TTC24: variants seen among roughly 807,000 people sequenced by gnomAD.
TTC24 encodes the protein tetratricopeptide repeat protein 24.
In TTC24, 54 loss-of-function variants were observed where a neutral mutation model predicts 63.3. The observed-to-expected ratio is 0.85, with a 90% CI of 0.69 to 1.07. The LOEUF is 1.07. Among genes scored for constraint, TTC24 ranks in the 50% least tolerant of loss-of-function variants. The pLI is 0.00. For synonymous variants in TTC24, 276 were observed against 304.3 expected, an observed-to-expected ratio of 0.91 and a Z score of 0.97; for missense variants, 680 against 730.5, an observed-to-expected ratio of 0.93 and a Z score of 0.80.
chr1:156,583,204 A>G lies in TTC24; in HGVS notation c.1039+34A>G. ...GAGAGGGTTGGGATGTGACTGGGAC[A>G]GTGGGGAGGCTGAGGGTCCTAGGGG... On this transcript the variant is annotated intron_variant, in intron 4 of 10. Coordinates refer to ENST00000368236, the MANE Select transcript of TTC24 (RefSeq NM_001105669.4). The surrounding 1 kb of genome is among the most constrained non-coding windows in gnomAD (Gnocchi z 4.0). 6.4e-7 allele frequency: 1 copy of G among 1,553,450 alleles called. No individual in the cohort carries two copies. Among genetic ancestry groups the G allele is most frequent in the Non-Finnish European group, 8.7e-7 (1 of 1,146,650 alleles).
chr1:156,583,292 G>A lies in TTC24; in HGVS notation c.1040-46G>A, dbSNP rs764936030. On this transcript the variant is annotated intron_variant, in intron 4 of 10. Transcript: ENST00000368236. The surrounding 1 kb of genome is among the most constrained non-coding windows in gnomAD (Gnocchi z 4.0). ...AGTGCCTCTGAGGGGGTGGATCAGT[G>A]GGGTAGGAAGTCATGAAAGGACCTT... 1.2e-6 allele frequency: 2 copies of A among 1,603,418 alleles called. No individual in the cohort carries two copies. The highest frequency in any genetic ancestry group is 1.3e-5 in the African/African-American group (1 of 74,132).
At chr1:156,582,523 C>G (rs543591977) in intron 3 of TTC24, 89 bp downstream of exon 3, 1 of 1,195,756 alleles carries the variant, frequency 8.4e-7, no homozygotes, top group East Asian at 2.4e-5. Context: ...GTGGATGGCC[C>G]TTTGGGACCA....
intron 10 of TTC24, 108 bp downstream of exon 10, chr1:156,586,153 C>A: frequency 1.1e-6 from 1 of 880,560 alleles, no homozygotes; most frequent in Non-Finnish European, 1.8e-6. Flanking sequence ...TTGGGGGAAG[C>A]TGGGATCTCA....
At position 156,583,027 on chromosome 1, in the gene TTC24, GGGCTCTGTCCTCA is replaced by G. The variant is rs375017688; in HGVS notation, c.911-6_917del. 14 of 1,602,384 alleles carry G rather than the reference GGGCTCTGTCCTCA, an allele frequency of 8.7e-6. No homozygotes were observed. The South Asian group carries it at 1.6e-4, about 18-fold the overall frequency. ...CCAGAGTCCCCTCTGAGGATGGGGTGGGCTCTGTCCTCAGGCTCTGTGGGGCAGCGGTGGGAGC... is the reference window on the plus strand; with the variant it reads ...CCAGAGTCCCCTCTGAGGATGGGGTGGGCTCTGTGGGGCAGCGGTGGGAGC... On this transcript the variant is annotated splice_acceptor_variant and splice_polypyrimidine_tract_variant and intron_variant, in intron 3 of 10. Transcript: ENST00000368236. LOFTEE classifies it high-confidence loss of function. This position sits in a 1 kb window ranked among gnomAD's most constrained non-coding sequence, Gnocchi z 4.0.
chr1:156,585,540 T>C lies in TTC24; in HGVS notation c.1457-173T>C, dbSNP rs1047904578. 16 of 623,908 alleles carry C rather than the reference T, an allele frequency of 2.6e-5. 1 individual carries two copies. In the Middle Eastern group the frequency reaches 2.0e-3, roughly 78 times the overall value. The allele number at this position is 623,908 out of a possible 1,614,324, so 38.6% of individuals were successfully genotyped here. A position where few individuals can be genotyped will look rare whatever the true frequency, so the allele number is the denominator to read the frequency against. ...TCCTAACTTCTAGAACTTTGCATCT[T>C]GGACCCCAGGGTTTTGCTGAAAGCC... On this transcript the variant is annotated intron_variant, in intron 8 of 10. Coordinates refer to ENST00000368236, the MANE Select transcript of TTC24 (RefSeq NM_001105669.4).
In TTC24 at chr1:156,583,720, TTTCC is replaced by T; in HGVS notation, c.1153-73_1153-70del. Reference sequence around the variant, plus strand: ...GCCCCCCTCCCCCCTCCCTTTCCTGTTTCCTTCTTCCCCAACCCCCAGAGGACCA... The same window carrying T: ...GCCCCCCTCCCCCCTCCCTTTCCTGTTTCTTCCCCAACCCCCAGAGGACCA... On this transcript the variant is annotated intron_variant, in intron 5 of 10. Coordinates refer to ENST00000368236, the MANE Select transcript of TTC24 (RefSeq NM_001105669.4). This position sits in a 1 kb window ranked among gnomAD's most constrained non-coding sequence, Gnocchi z 4.0. 1 of 516,816 alleles carries T rather than the reference TTTCC, an allele frequency of 1.9e-6. No individual in the cohort carries two copies. Among genetic ancestry groups the T allele is most frequent in the Non-Finnish European group, 3.7e-6 (1 of 272,532 alleles). The allele number at this position is 516,816 out of a possible 1,614,324, so 32.0% of individuals were successfully genotyped here.
chr1:156,581,543 A>G lies in TTC24; in HGVS notation c.179A>G (p.Gln60Arg). The G allele has an allele frequency of 6.4e-7, 1 of 1,551,322 alleles. No individual in the cohort carries two copies. The highest frequency in any genetic ancestry group is 8.7e-7 in the Non-Finnish European group (1 of 1,146,732). ...AACCATGAAGCCTTGAACAACTTCC[A>G]GAGGGCCTTCCTTCTGGCCTCCAAG... Reference protein sequence around the residue: ...GQNHEALNNFQRAFLLASKAP... With the variant: ...GQNHEALNNFRRAFLLASKAP... The change falls in exon 2 of 11, where the codon CAG (glutamine) becomes CGG (arginine). Residue 60 changes from glutamine (Q) to arginine (R), a missense_variant. Transcript: ENST00000368236.
rs565288472 is a variant in TTC24, at chr1:156,582,283, G to C, written c.759G>C (p.Pro253=). 1 of 1,562,596 alleles carries C rather than the reference G, an allele frequency of 6.4e-7. No individual in the cohort carries two copies. Among genetic ancestry groups the C allele is most frequent in the Admixed American group, 1.9e-5 (1 of 51,822 alleles). The change falls in exon 3 of 11, where the codon CCG becomes CCC. Residue 253 remains proline, a synonymous_variant. Coordinates refer to ENST00000368236, the MANE Select transcript of TTC24 (RefSeq NM_001105669.4). The part of the protein sequence containing the change: ...GLGYSQLQLF[P]LAVEAFLQAL... ...GCTACTCCCAGCTCCAGCTGTTCCCGCTGGCCGTGGAGGCCTTCCTGCAGG... is the reference window on the plus strand; with the variant it reads ...GCTACTCCCAGCTCCAGCTGTTCCCCCTGGCCGTGGAGGCCTTCCTGCAGG...
chr1:156,586,147 G>A (rs1470181442), intron 10 of TTC24, 102 bp downstream of exon 10: 5 of 901,324 alleles, frequency 5.5e-6, no homozygotes, highest in Non-Finnish European at 7.0e-6. Flanking sequence ...TTGAAGTTGG[G>A]GGAAGCTGGG....
intron 8 of TTC24, 35 bp from the exon 9 acceptor site, chr1:156,585,678 G>A (rs773268356): frequency 6.8e-7 from 1 of 1,474,392 alleles, no homozygotes; most frequent in Non-Finnish European, 9.5e-7. Context: ...GCTACTTGTT[G>A]AGCTGACCTG....
rs975432323 is a variant in TTC24, at chr1:156,584,863, C to T, written c.1252-14C>T. On this transcript the variant is annotated splice_polypyrimidine_tract_variant and intron_variant, in intron 6 of 10. Coordinates refer to ENST00000368236, the MANE Select transcript of TTC24 (RefSeq NM_001105669.4). Reference sequence around the variant, plus strand: ...TTTCTCAGACCTATTCCCTTTACTCCACTTCATTCCCAGACTTCGGCTCCG... The same window carrying T: ...TTTCTCAGACCTATTCCCTTTACTCTACTTCATTCCCAGACTTCGGCTCCG... 6.5e-7 allele frequency: 1 copy of T among 1,539,136 alleles called. No individual in the cohort carries two copies. Among genetic ancestry groups the T allele is most frequent in the Non-Finnish European group, 8.8e-7 (1 of 1,142,762 alleles).
intron 6 of TTC24, 68 bp from the exon 7 acceptor site, chr1:156,584,809 G>C (rs1459918375): frequency 9.5e-7 from 1 of 1,052,768 alleles, no homozygotes; most frequent in Admixed American, 2.9e-5. Flanking sequence ...GTCTCTGGAG[G>C]GAGCACACAC....
chr1:156,583,807 A>C lies in TTC24; in HGVS notation c.1163A>C (p.Asp388Ala). ...CCACCCTCTTCCCAGAAGGAGCCAGATTCTGTGCGAGAACGGCTGGTGGCC... is the reference window on the plus strand; with the variant it reads ...CCACCCTCTTCCCAGAAGGAGCCAGCTTCTGTGCGAGAACGGCTGGTGGCC... ...EALAQCQKEPDSVRERLVAKL... is the reference protein window; with the variant it reads ...EALAQCQKEPASVRERLVAKL... The change falls in exon 6 of 11, where the codon GAT becomes GCT. Residue 388 changes from aspartate (D) to alanine (A), a missense_variant. Transcript: ENST00000368236. This position sits in a 1 kb window ranked among gnomAD's most constrained non-coding sequence, Gnocchi z 4.0. 1 of 1,587,118 alleles carries C rather than the reference A, an allele frequency of 6.3e-7. No homozygotes were observed. The highest frequency in any genetic ancestry group is 8.6e-7 in the Non-Finnish European group (1 of 1,167,078).
At position 156,583,271 on chromosome 1, in the gene TTC24, C is replaced by T; in HGVS notation, c.1040-67C>T. On this transcript the variant is annotated intron_variant, in intron 4 of 10. Coordinates refer to ENST00000368236, the MANE Select transcript of TTC24 (RefSeq NM_001105669.4). The surrounding 1 kb of genome is among the most constrained non-coding windows in gnomAD (Gnocchi z 4.0). The stretch of plus-strand genomic sequence containing the variant: ...TGGGGGGAACTGAGGGTAGGGAGTG[C>T]CTCTGAGGGGGTGGATCAGTGGGGT... The T allele has an allele frequency of 6.2e-7, 1 of 1,607,044 alleles. No individual in the cohort carries two copies. The highest frequency in any genetic ancestry group is 8.5e-7 in the Non-Finnish European group (1 of 1,176,642).
rs1557959292 is a variant in TTC24, at chr1:156,586,026, A to C, written c.1648A>C (p.Asn550His). 1.9e-6 allele frequency: 3 copies of C among 1,574,908 alleles called. No homozygotes were observed. The highest frequency in any genetic ancestry group is 2.6e-6 in the Non-Finnish European group (3 of 1,159,964). Residue 550 changes from asparagine to histidine, a missense_variant, in exon 10 of 11, where the codon AAT becomes CAT. By Grantham distance (68) the Asn-to-His change is moderately conservative. Coordinates refer to ENST00000368236, the MANE Select transcript of TTC24 (RefSeq NM_001105669.4). Reference sequence around the variant, plus strand: ...GGAGTACCCTAGCATCTTGGTACCCAATGGCCCTCAAGCCAATAGGTGGGT... The same window carrying C: ...GGAGTACCCTAGCATCTTGGTACCCCATGGCCCTCAAGCCAATAGGTGGGT... ...RAEYPSILVP[N>H]GPQANRSSRW...
At chr1:156,580,305 T>G (rs764880612) in intron 1 of TTC24, among the ~76,000 whole-genome samples, 20 of 152,156 alleles carry the variant, frequency 1.3e-4, no homozygotes, top group Non-Finnish European at 2.8e-4. Context: ...CAGTGCCTAG[T>G]GTGGTTCCTA....
chr1:156,583,596 T>A lies in TTC24; in HGVS notation c.1152+146T>A. Reference sequence around the variant, plus strand: ...CACTGTGTGCTAGGTCTTGGGATACTATTGTGAGGAAGAGTTCATCGCTGT... The same window carrying A: ...CACTGTGTGCTAGGTCTTGGGATACAATTGTGAGGAAGAGTTCATCGCTGT... On this transcript the variant is annotated intron_variant, in intron 5 of 10. Transcript: ENST00000368236. This position sits in a 1 kb window ranked among gnomAD's most constrained non-coding sequence, Gnocchi z 4.0. The A allele has an allele frequency of 1.1e-6, 1 of 882,982 alleles. No homozygotes were observed. The allele number at this position is 882,982 out of a possible 1,614,324, so 54.7% of individuals were successfully genotyped here.
At chr1:156,582,533 A>C (rs752860626) in intron 3 of TTC24, 99 bp downstream of exon 3, 16 of 1,058,408 alleles carry the variant, frequency 1.5e-5, no homozygotes, top group Non-Finnish European at 1.8e-5. Context: ...CTTTGGGACC[A>C]CTTATGGAGC....
In TTC24 at chr1:156,585,108, G is replaced by C; in HGVS notation, c.1350-17G>C. 1 of 1,601,988 alleles carries C rather than the reference G, an allele frequency of 6.2e-7. No homozygotes were observed. Among genetic ancestry groups the C allele is most frequent in the South Asian group, 1.1e-5 (1 of 89,270 alleles). On this transcript the variant is annotated splice_polypyrimidine_tract_variant and intron_variant, in intron 7 of 10. Transcript: ENST00000368236. ...TGTCGCTCTGCCAAGCTGTGCCCTG[G>C]TTCCTTGCCCCTACAGATCTTCCAG...
Sources: gnomAD v4.1 joint callset for allele counts (sites outside exome capture counted in the v4.1 genomes callset) on GRCh38, gnomAD v4.1.1 for gene constraint, Gnocchi (gnomAD v3.1) non-coding constraint, MANE v1.5 for transcripts, NCBI Gene and HGNC (gene_info 2026-07-23, HGNC 2026-07-21) for gene names.